The following ERBB4 variants were observed in gnomAD, a reference collection of about 807,000 sequenced individuals.
ERBB4 encodes erb-b2 receptor tyrosine kinase 4.
Under a neutral mutation model 158.0 loss-of-function variants are expected in ERBB4, and 42 were observed. The observed-to-expected ratio is 0.27, with a 90% confidence interval of 0.21 to 0.34. The LOEUF is 0.34. Ranked by LOEUF, ERBB4 falls within the 10% of genes least tolerant of loss-of-function variation. ERBB4 has a pLI of 1.00. For synonymous variants in ERBB4, 583 were observed against 558.7 expected (o/e 1.04, Z -0.61); for missense variants, 1,333 against 1,624.1 (o/e 0.82, Z 3.08).
chr2:211,772,830 T>TAC (rs1304326378), intron 4 of ERBB4, among the ~76,000 whole-genome samples: 10 of 12,284 alleles, frequency 8.1e-4, no homozygotes, highest in East Asian at 3.8e-3. Context: ...TATATATATA[T>TAC]ATATACACAT....
At chr2:212,023,986 C>T (rs77643270) in intron 2 of ERBB4, among the ~76,000 whole-genome samples, 9,204 of 151,462 alleles carry the variant, frequency 0.061, 292 homozygotes, top group South Asian at 0.11. Context: ...TAAAGGAGCT[C>T]ACTCCCTTTA....
At chr2:212,383,729 A>C (rs577250351) in intron 1 of ERBB4, among the ~76,000 whole-genome samples, 1 of 151,798 alleles carries the variant, frequency 6.6e-6, no homozygotes, top group Non-Finnish European at 1.5e-5. Context: ...GAGCTTTTCT[A>C]GTAGTTGGGA....
chr2:212,530,691 C>G (rs377460765), intron 1 of ERBB4, among the ~76,000 whole-genome samples: 2 of 152,102 alleles, frequency 1.3e-5, no homozygotes, highest in Non-Finnish European at 2.9e-5. Flanking sequence ...AACAAGCACA[C>G]GCATTTTTTG....
intron 2 of ERBB4, among the ~76,000 whole-genome samples, chr2:211,979,948 TTC>T (rs920684635): frequency 3.9e-5 from 6 of 152,184 alleles, no homozygotes; most frequent in Admixed American, 6.5e-5. Flanking sequence ...ATCAAATCAA[TTC>T]TGTTTTGCAA....
chr2:211,828,551 C>T (rs1439348146), intron 3 of ERBB4, among the ~76,000 whole-genome samples: 1 of 148,082 alleles, frequency 6.8e-6, no homozygotes, highest in Non-Finnish European at 1.5e-5. Flanking sequence ...CAGAACACAT[C>T]TAAGATGATT....
intron 1 of ERBB4, among the ~76,000 whole-genome samples, chr2:212,345,793 A>G (rs997237588): frequency 2.0e-5 from 3 of 152,150 alleles, no homozygotes; most frequent in Non-Finnish European, 2.9e-5. Context: ...TGTAAATCCT[A>G]AAATAATTAC....
intron 4 of ERBB4, among the ~76,000 whole-genome samples, chr2:211,759,806 AGTGTGTGTGTGT>A (rs67981670): frequency 4.9e-4 from 74 of 150,030 alleles, no homozygotes; most frequent in African/African-American, 1.2e-3. Context: ...CATTTTCTAG[AGTGTGTGTGTGT>A]GTGTGTGTGT....
chr2:212,456,051 G>GA (rs943154163), intron 1 of ERBB4, among the ~76,000 whole-genome samples: 25 of 148,398 alleles, frequency 1.7e-4, no homozygotes, highest in East Asian at 3.9e-4. Flanking sequence ...ACAAAATTAA[G>GA]AAAAAAAAAG....
At chr2:211,600,198 AT>A (rs1461033727) in intron 19 of ERBB4, among the ~76,000 whole-genome samples, 1 of 152,120 alleles carries the variant, frequency 6.6e-6, no homozygotes, top group Non-Finnish European at 1.5e-5. Flanking sequence ...CTCTCCTAGG[AT>A]TTTTCAATTT....
intron 1 of ERBB4, among the ~76,000 whole-genome samples, chr2:212,525,551 G>C (rs1692403445): frequency 6.6e-6 from 1 of 151,802 alleles, no homozygotes; most frequent in Non-Finnish European, 1.5e-5. Flanking sequence ...TGCTACAAAA[G>C]GCTGTTAGGA....
chr2:212,022,639 A>G (rs2076679820), intron 2 of ERBB4, among the ~76,000 whole-genome samples: 1 of 152,084 alleles, frequency 6.6e-6, no homozygotes, highest in Admixed American at 6.6e-5. Flanking sequence ...GCACACATTT[A>G]CCTATGTAAC....
intron 1 of ERBB4, among the ~76,000 whole-genome samples, chr2:212,209,445 A>C (rs1013369090): frequency 6.6e-6 from 1 of 152,082 alleles, no homozygotes; most frequent in African/African-American, 2.4e-5. Context: ...GAAAATCCTG[A>C]TCTTATGATA....
At chr2:212,217,877 A>G (rs1163424553) in intron 1 of ERBB4, among the ~76,000 whole-genome samples, 1 of 151,352 alleles carries the variant, frequency 6.6e-6, no homozygotes, top group African/African-American at 2.4e-5. Context: ...TAGGTCTTAG[A>G]ACATAATAAA....
At chr2:212,043,883 A>G (rs970886420) in intron 2 of ERBB4, among the ~76,000 whole-genome samples, 1 of 152,172 alleles carries the variant, frequency 6.6e-6, no homozygotes, top group African/African-American at 2.4e-5. Context: ...TAAAGCACTT[A>G]GCACAGTGCC....
chr2:211,715,374 A>T (rs2073859364), intron 7 of ERBB4, among the ~76,000 whole-genome samples: 1 of 152,168 alleles, frequency 6.6e-6, no homozygotes, highest in Non-Finnish European at 1.5e-5. Flanking sequence ...TTCCCCAAAA[A>T]GTGCTGATTT....
intron 1 of ERBB4, among the ~76,000 whole-genome samples, chr2:212,223,706 ATTG>A (rs2083380209): frequency 6.6e-6 from 1 of 151,628 alleles, no homozygotes; most frequent in Non-Finnish European, 1.5e-5. Flanking sequence ...ACTTTAAAAA[ATTG>A]TTATTTACTC....
intron 1 of ERBB4, among the ~76,000 whole-genome samples, chr2:212,474,180 A>C (rs16848640): frequency 0.12 from 18,010 of 151,898 alleles, 3,013 homozygotes; most frequent in African/African-American, 0.38. Flanking sequence ...GACCAATATG[A>C]CTCAAAAAAT....
chr2:212,072,776 A>G (rs2078161652), intron 2 of ERBB4, among the ~76,000 whole-genome samples: 1 of 152,018 alleles, frequency 6.6e-6, no homozygotes. Flanking sequence ...TTGGCTAGGT[A>G]TTGGAGATAC....
chr2:211,698,608 A>G lies in ERBB4; in HGVS notation c.1489+3359T>C, dbSNP rs187143133. Among the ~76,000 whole-genome samples the G allele has an allele frequency of 4.6e-5, 7 of 152,018 alleles. No individual in the cohort carries two copies. The East Asian group carries it at 1.4e-3, about 29-fold the overall frequency. On this transcript the variant is annotated intron_variant, in intron 12 of 27. Coordinates refer to ENST00000342788, the MANE Select transcript of ERBB4 (RefSeq NM_005235.3). Reference sequence around the variant, plus strand: ...TACTATTAAAATTGTAAAAATAAAAATATTTTTATTTTGAAAATCAATAAT... The same window carrying G: ...TACTATTAAAATTGTAAAAATAAAAGTATTTTTATTTTGAAAATCAATAAT...
Sources: allele counts gnomAD v4.1 joint callset (sites outside exome capture counted in the v4.1 genomes callset), GRCh38; gene constraint gnomAD v4.1.1; transcripts MANE v1.5; gene names NCBI Gene and HGNC (gene_info 2026-07-23, HGNC 2026-07-21).